The following DNAH17 variants were observed in gnomAD, a reference collection of about 807,000 sequenced individuals.
DNAH17 encodes the protein dynein axonemal heavy chain 17.
Under a neutral mutation model 485.6 loss-of-function variants are expected in DNAH17, and 376 were observed. That is an observed-to-expected ratio of 0.77 (90% CI 0.71 to 0.84). DNAH17 has a LOEUF of 0.84. Among genes scored for constraint, DNAH17 ranks in the 40% least tolerant of loss-of-function variants. The pLI is 0.00. For synonymous variants in DNAH17, 3,031 were observed against 2,405.9 expected, an observed-to-expected ratio of 1.26 and a Z score of -7.60; for missense variants, 6,370 against 5,839.3, an observed-to-expected ratio of 1.09 and a Z score of -2.96.
intron 16 of DNAH17, among the ~76,000 whole-genome samples, chr17:78,547,601 A>G (rs1184051833): frequency 7.0e-6 from 1 of 143,754 alleles, no homozygotes; most frequent in Non-Finnish European, 1.5e-5. Context: ...CTTCTATTAC[A>G]TCTTTGTTCA....
rs377662139 is a variant in DNAH17 at position 78,543,847 on chromosome 17, G to A, written c.2532+10C>T. The stretch of plus-strand genomic sequence containing the variant: ...TGGGTTCTCAAAAAACCTCCTGGGT[G>A]TTTCCTTACTGCAACCATGGCTTGG... On this transcript the variant is annotated intron_variant, in intron 17 of 80. Transcript: ENST00000389840. 17 of 1,613,994 alleles carry A rather than the reference G, an allele frequency of 1.1e-5. No homozygotes were observed. The East Asian group carries it at 2.7e-4, about 25-fold the overall frequency.
intron 16 of DNAH17, among the ~76,000 whole-genome samples, chr17:78,545,049 C>T (rs1177916141): frequency 6.6e-6 from 1 of 151,288 alleles, no homozygotes; most frequent in Non-Finnish European, 1.5e-5. Flanking sequence ...CTCACGGCTG[C>T]CTCTGTCACT....
At chr17:78,462,713 A>G (rs190029185) in intron 57 of DNAH17, 131 bp downstream of exon 57, 55 of 809,514 alleles carry the variant, frequency 6.8e-5, no homozygotes, top group Admixed American at 3.9e-4. Flanking sequence ...AAAGGCAGGA[A>G]GCGTGCTCAT....
In DNAH17 at chr17:78,464,250, G is replaced by A. The variant is rs74256133; in HGVS notation, c.8941-1173C>T. Among the ~76,000 whole-genome samples, 122 of 152,204 alleles carry A rather than the reference G, an allele frequency of 8.0e-4. No individual in the cohort carries two copies. In the East Asian group the frequency reaches 0.022, roughly 27 times the overall value. ...TTGAGCTCAAACAGTGAACATGGGC[G>A]CCATCTTTCACTGTTTTTTGTTTTT... On this transcript the variant is annotated intron_variant, in intron 56 of 80. Coordinates refer to ENST00000389840, the MANE Select transcript of DNAH17 (RefSeq NM_173628.4).
At position 78,506,023 on chromosome 17, in the gene DNAH17, G is replaced by A. The variant is rs117686874; in HGVS notation, c.4804-578C>T. ...AATAAGATTTCTTCTTTTTGAGAAG[G>A]TTCTGTCCCAGATCCCAAGCCACAC... On this transcript the variant is annotated intron_variant, in intron 30 of 80. Coordinates refer to ENST00000389840, the MANE Select transcript of DNAH17 (RefSeq NM_173628.4). Among the ~76,000 whole-genome samples the A allele has an allele frequency of 4.1e-3, 625 of 152,080 alleles. 3 individuals are homozygous for A. Among genetic ancestry groups the A allele is most frequent in the Non-Finnish European group, 7.1e-3 (485 of 67,962 alleles).
intron 54 of DNAH17, among the ~76,000 whole-genome samples, chr17:78,471,001 A>G (rs972161028): frequency 6.6e-6 from 1 of 152,208 alleles, no homozygotes; most frequent in Non-Finnish European, 1.5e-5. Context: ...CCATGTATAT[A>G]TATGTTCAGA....
rs567718909 is a variant in DNAH17 at position 78,445,097 on chromosome 17, C to T, written c.11335-300G>A. 5.0e-4 allele frequency among the ~76,000 whole-genome samples: 76 copies of T among 152,222 alleles called. 2 individuals carry two copies. The highest frequency in any genetic ancestry group is 1.7e-3 in the African/African-American group (70 of 41,530). ...AATGGGGCCATTCTAGCTCAGGGGA[C>T]GACCTTCTTCAGGTCTTTTTGAACA... On this transcript the variant is annotated intron_variant, in intron 70 of 80. Transcript: ENST00000389840.
chr17:78,470,118 G>C (rs1195823709), intron 54 of DNAH17, among the ~76,000 whole-genome samples: 1 of 125,158 alleles, frequency 8.0e-6, no homozygotes, highest in Non-Finnish European at 1.6e-5. Flanking sequence ...CTGTTGCCCA[G>C]GCTGGAGTGC....
chr17:78,501,322 G>T lies in DNAH17; in HGVS notation c.5345C>A (p.Thr1782Asn), dbSNP rs61740065. The change falls in exon 35 of 81, where the codon ACC becomes AAC. Residue 1782 changes from threonine (T) to asparagine (N), a missense_variant. Thr to Asn is a moderately conservative substitution (Grantham distance 65). Transcript: ENST00000389840. ...VAKVESSQAF[T>N]WQAQLRHRWD... Reference sequence around the variant, plus strand: ...GCGATGCCGGAGCTGGGCCTGCCAGGTGAAGGCCTGAGAACTCTCCACCTG... The same window carrying T: ...GCGATGCCGGAGCTGGGCCTGCCAGTTGAAGGCCTGAGAACTCTCCACCTG... 2 of 1,601,390 alleles carry T rather than the reference G, an allele frequency of 1.2e-6. No homozygotes were observed. The highest frequency in any genetic ancestry group is 1.1e-5 in the South Asian group (1 of 90,502).
intron 44 of DNAH17, chr17:78,489,368 G>C (rs920867964): frequency 2.6e-5 from 4 of 152,258 alleles, no homozygotes; most frequent in African/African-American, 7.2e-5. Flanking sequence ...CATTCCTCTT[G>C]TTCCAGCCCT....
chr17:78,454,764 A>G (rs1327959138), intron 63 of DNAH17, 59 bp from the exon 64 acceptor site: 1 of 1,434,676 alleles, frequency 7.0e-7, no homozygotes, highest in African/African-American at 1.4e-5. Flanking sequence ...CTTACTAGAA[A>G]ATAGCTCTCC....
chr17:78,434,325 G>A (rs1340815644), intron 74 of DNAH17, 105 bp from the exon 75 acceptor site: 1 of 1,036,842 alleles, frequency 9.6e-7, no homozygotes, highest in East Asian at 2.6e-5. Context: ...GCTTTGCTAG[G>A]GTGGGGGCGG....
chr17:78,446,173 C>CAAAAAAAAAAAAAA (rs1157464118), intron 69 of DNAH17, among the ~76,000 whole-genome samples: 1 of 57,392 alleles, frequency 1.7e-5, no homozygotes. Context: ...GACTCTGTCT[C>CAAAAAAAAAAAAAA]AAAAAAAAAA....
chr17:78,450,997 CCCCTGGAACCTCAGAGAGG>C (rs1010117834), intron 66 of DNAH17, among the ~76,000 whole-genome samples, 151 bp from the exon 67 acceptor site: 1 of 152,204 alleles, frequency 6.6e-6, no homozygotes, highest in African/African-American at 2.4e-5. Flanking sequence ...AGAAGCAGAG[CCCCTGGAACCTCAGAGAGG>C]CCCTGGCCCT....
At position 78,484,875 on chromosome 17, in the gene DNAH17, G is replaced by A. The variant is rs185564764; in HGVS notation, c.7642C>T (p.Arg2548Trp). The change falls in exon 48 of 81, where the codon CGG becomes TGG. Residue 2548 changes from arginine (R) to tryptophan (W), a missense_variant. Physicochemically the swap from Arg to Trp is moderately radical, Grantham distance 101 (BLOSUM62 -3). Transcript: ENST00000389840. Reference protein sequence around the residue: ...HTLIRQHMDHRHWYDRHKLTL... With the variant: ...HTLIRQHMDHWHWYDRHKLTL... Reference sequence around the variant, plus strand: ...GGCCCCGCCCCGTCTAACCAGTGCCGGTGGTCCATGTGCTGCCGGATGAGG... The same window carrying A: ...GGCCCCGCCCCGTCTAACCAGTGCCAGTGGTCCATGTGCTGCCGGATGAGG... 13 of 1,561,422 alleles carry A rather than the reference G, an allele frequency of 8.3e-6. No homozygotes were observed. Among genetic ancestry groups the A allele is most frequent in the East Asian group, 2.4e-5 (1 of 41,792 alleles).
At chr17:78,526,332 C>T (rs1392041207) in intron 24 of DNAH17, among the ~76,000 whole-genome samples, 2 of 152,052 alleles carry the variant, frequency 1.3e-5, no homozygotes, top group African/African-American at 4.8e-5. Flanking sequence ...GATTAGGGGG[C>T]GGAGTCAGGC....
intron 42 of DNAH17, 70 bp downstream of exon 42, chr17:78,492,563 G>T: frequency 7.6e-6 from 12 of 1,581,086 alleles, no homozygotes; most frequent in Non-Finnish European, 1.0e-5. Context: ...ACGTGGGAAC[G>T]GCTGAGCACA....
chr17:78,429,192 G>C lies in DNAH17; in HGVS notation c.12334C>G (p.Arg4112Gly). 2 of 1,613,830 alleles carry C rather than the reference G, an allele frequency of 1.2e-6. No homozygotes were observed. The highest frequency in any genetic ancestry group is 1.7e-6 in the Non-Finnish European group (2 of 1,179,888). ...ACGTCTCCCTCCAGCATCTCCGTCC[G>C]GATGTATTCAGCCAGGTAGGTCCTG... ...LCRTYLAEYI[R>G]TEMLEGDVLL... The change falls in exon 76 of 81, where the codon CGG becomes GGG. Residue 4112 changes from arginine (R) to glycine (G), a missense_variant. Arg to Gly is a moderately radical substitution (Grantham distance 125). Transcript: ENST00000389840.
intron 26 of DNAH17, among the ~76,000 whole-genome samples, chr17:78,513,225 C>G (rs916277308): frequency 2.0e-5 from 3 of 152,068 alleles, no homozygotes; most frequent in Non-Finnish European, 4.4e-5. Flanking sequence ...CACAGCTGAC[C>G]AGCATTAACA....
Sources: allele counts gnomAD v4.1 joint callset (sites outside exome capture counted in the v4.1 genomes callset), GRCh38; gene constraint gnomAD v4.1.1; transcripts MANE v1.5; gene names NCBI Gene and HGNC (gene_info 2026-07-23, HGNC 2026-07-21).